Variants in ARAP2 observed in about 807,000 individuals in gnomAD.
ARAP2 encodes the protein arf-GAP with Rho-GAP domain, ANK repeat and PH domain-containing protein 2.
In ARAP2, 148 loss-of-function variants were observed where a neutral mutation model predicts 194.5. The observed-to-expected ratio is 0.76, with a 90% CI of 0.67 to 0.87. ARAP2 has a LOEUF of 0.87. Among genes scored for constraint, ARAP2 ranks in the 40% least tolerant of loss-of-function variants. ARAP2 has a pLI of 0.00. For synonymous variants in ARAP2, 695 were observed against 683.5 expected (o/e 1.02, Z -0.26); for missense variants, 2,128 against 1,989.7 (o/e 1.07, Z -1.32).
chr4:36,126,316 T>C (rs976928940), intron 21 of ARAP2, among the ~76,000 whole-genome samples: 1 of 152,046 alleles, frequency 6.6e-6, no homozygotes, highest in Non-Finnish European at 1.5e-5. Context: ...CAAAAAGTCA[T>C]GCTAGTATGC....
chr4:36,068,142 G>A lies in ARAP2; in HGVS notation c.4880C>T (p.Pro1627Leu). 6.2e-7 allele frequency: 1 copy of A among 1,614,068 alleles called. No individual in the cohort carries two copies. The highest frequency in any genetic ancestry group is 8.5e-7 in the Non-Finnish European group (1 of 1,179,970). Residue 1627 changes from proline (P) to leucine (L), a missense_variant, in exon 33 of 33, where the codon CCC (proline) becomes CTC (leucine). By Grantham distance (98) the Pro-to-Leu change is moderately conservative. Transcript: ENST00000303965. ...EHKDDKLRNR[P>L]RKHRSFNCLE... ...GCAGTTGAAACTCCGATGTTTTCGG[G>A]GTCGATTTCGAAGTTTATCGTCCTT...
chr4:36,179,997 G>A (rs1429633132), intron 8 of ARAP2, among the ~76,000 whole-genome samples: 2 of 152,132 alleles, frequency 1.3e-5, no homozygotes, highest in African/African-American at 4.8e-5. Context: ...TGATGGCTGG[G>A]TGTGGTGTCC....
chr4:36,228,069 T>C (rs1402242896), intron 2 of ARAP2, among the ~76,000 whole-genome samples: 2 of 152,180 alleles, frequency 1.3e-5, no homozygotes, highest in African/African-American at 4.8e-5. Context: ...TATACGAGAC[T>C]GCAAGTCACC....
downstream of ARAP2, chr4:36,065,270 G>A: frequency 4.5e-6 from 2 of 439,594 alleles, no homozygotes; most frequent in South Asian, 3.6e-5. Flanking sequence ...GCCTTGTTGA[G>A]GGCCAACACC....
chr4:36,043,554 A>C (rs534262432), intron 5 of ARAP2, among the ~76,000 whole-genome samples: 1 of 152,180 alleles, frequency 6.6e-6, no homozygotes, highest in South Asian at 2.1e-4. Context: ...ATTTGCCAGA[A>C]GCTAAAGGCA....
At chr4:36,046,955 C>T (rs1042802579) in intron 3 of ARAP2, 3 of 152,226 alleles carry the variant, frequency 2.0e-5, no homozygotes, top group Admixed American at 1.3e-4. Flanking sequence ...ATTTTCCACT[C>T]TTGCCTGCAT....
intron 27 of ARAP2, among the ~76,000 whole-genome samples, chr4:36,104,103 A>G (rs1438381738): frequency 1.3e-5 from 2 of 151,934 alleles, no homozygotes. Context: ...TGTAAGGTAC[A>G]AGGGATGTTA....
rs374534305 is a variant in ARAP2 at position 36,056,891 on chromosome 4, C to T, written n.321+1079G>A. The stretch of plus-strand genomic sequence containing the variant: ...CACTTCTTCCCTGACAATGCTTGCA[C>T]ATTTATTCACAAGACATTATATCAT... On this transcript the variant is annotated intron_variant and non_coding_transcript_variant, in intron 2 of 12. Coordinates refer to the ARAP2 transcript ENST00000503225. 4.0e-4 allele frequency among the ~76,000 whole-genome samples: 59 copies of T among 149,312 alleles called. No homozygotes were observed. The South Asian group carries it at 6.0e-3, about 15-fold the overall frequency.
At position 36,033,505 on chromosome 4, in the gene ARAP2, T is replaced by C. The variant is rs1719361377; in HGVS notation, n.607+12474A>G. Among the ~76,000 whole-genome samples the C allele has an allele frequency of 2.8e-5, 4 of 143,582 alleles. No homozygotes were observed. The South Asian group carries it at 9.1e-4, about 33-fold the overall frequency. 94.2% of individuals were successfully genotyped at this position (143,582 alleles called of 152,430 possible). On this transcript the variant is annotated intron_variant and non_coding_transcript_variant, in intron 5 of 12. Transcript: ENST00000503225. ...TTTTCAATGGGGTCGTTTTTTTTTT[T>C]CTTGTAAATTGGATTAAGCCCCTTA...
intron 27 of ARAP2, among the ~76,000 whole-genome samples, chr4:36,104,965 A>C (rs1015125040): frequency 6.6e-6 from 1 of 151,984 alleles, no homozygotes; most frequent in Non-Finnish European, 1.5e-5. Flanking sequence ...TAGTAGGGAT[A>C]GTTCAGGGAC....
At chr4:36,073,617 G>T in intron 32 of ARAP2, 72 bp downstream of exon 32, 1 of 1,503,366 alleles carries the variant, frequency 6.7e-7, no homozygotes, top group South Asian at 1.3e-5. Flanking sequence ...AGTAATTAAT[G>T]ACCTAATCAC....
chr4:36,020,286 C>CTGT (rs1419383410), intron 5 of ARAP2, among the ~76,000 whole-genome samples: 1 of 152,194 alleles, frequency 6.6e-6, no homozygotes, highest in Non-Finnish European at 1.5e-5. Context: ...TGGTGGATGG[C>CTGT]TGTAATCCCA....
intron 32 of ARAP2, among the ~76,000 whole-genome samples, chr4:36,073,172 G>T (rs936725535): frequency 4.7e-4 from 71 of 152,002 alleles, no homozygotes; most frequent in African/African-American, 1.7e-3. Flanking sequence ...CAACCCTCAA[G>T]GTGAGAAGGA....
At chr4:36,210,823 T>C (rs1746594654) in intron 5 of ARAP2, 80 bp from the exon 6 acceptor site, 13 of 1,039,056 alleles carry the variant, frequency 1.3e-5, no homozygotes, top group Non-Finnish European at 1.4e-5. Context: ...AATTTATAAA[T>C]AACTAATAAC....
chr4:36,008,924 C>T (rs1713862557), intron 9 of ARAP2, among the ~76,000 whole-genome samples: 1 of 152,044 alleles, frequency 6.6e-6, no homozygotes. Context: ...AACATACATA[C>T]AACCAACAAG....
chr4:36,081,529 G>A (rs891121724), intron 30 of ARAP2, among the ~76,000 whole-genome samples: 8 of 152,132 alleles, frequency 5.3e-5, no homozygotes, highest in Non-Finnish European at 5.9e-5. Flanking sequence ...TGCATGCCAC[G>A]CAACAATTCT....
At chr4:36,243,414 C>T (rs992293772) in intron 1 of ARAP2, among the ~76,000 whole-genome samples, 4 of 137,182 alleles carry the variant, frequency 2.9e-5, no homozygotes, top group Non-Finnish European at 1.5e-5. Context: ...AAAGAATTTG[C>T]TATCAGGATA....
rs116160850 is a variant in ARAP2, at chr4:36,067,930, G to A, written c.5092C>T (p.Gln1698Ter). The change falls in exon 33 of 33, where the codon CAG becomes TAG. Residue 1698 changes from glutamine to a stop codon, truncating the protein, a stop_gained. Coordinates refer to ENST00000303965, the MANE Select transcript of ARAP2 (RefSeq NM_015230.4). LOFTEE classifies it high-confidence loss of function. Reference protein sequence around the residue: ...QRSRTLPKELQDEQILK With the variant: ...QRSRTLPKEL ...TCCTACTTCAAAATCTGCTCATCCT[G>A]TAATTCTTTTGGAAGGGTTCTTGAC... The A allele has an allele frequency of 2.5e-6, 4 of 1,586,938 alleles. No individual in the cohort carries two copies. The highest frequency in any genetic ancestry group is 2.6e-6 in the Non-Finnish European group (3 of 1,164,900).
At chr4:36,161,831 T>A (rs1976615) in intron 11 of ARAP2, among the ~76,000 whole-genome samples, 5 of 145,892 alleles carry the variant, frequency 3.4e-5, no homozygotes, top group Non-Finnish European at 6.0e-5. Context: ...CTACACGGCC[T>A]GGCGCGGTGG....
Sources: gnomAD v4.1 joint callset for allele counts (sites outside exome capture counted in the v4.1 genomes callset) on GRCh38, gnomAD v4.1.1 for gene constraint, MANE v1.5 for transcripts, NCBI Gene and HGNC (gene_info 2026-07-23, HGNC 2026-07-21) for gene names.